The following ATP8A2 variants were observed in gnomAD, a reference collection of about 807,000 sequenced individuals.
The protein encoded by ATP8A2 is phospholipid-transporting ATPase IB.
ATP8A2 carries 100 observed loss-of-function variants against 165.6 expected under a neutral mutation model. The ratio of observed to expected loss-of-function variants is 0.60; its 90% CI spans 0.51 to 0.71. The LOEUF is 0.71. Among genes scored for constraint, ATP8A2 ranks in the 30% least tolerant of loss-of-function variants. The pLI is 0.00. For synonymous variants in ATP8A2, 543 were observed against 548.8 expected (o/e 0.99, Z 0.15); for missense variants, 1,227 against 1,479.5 (o/e 0.83, Z 2.80).
chr13:25,662,979 G>A lies in ATP8A2; in HGVS notation c.2212-36194G>A, dbSNP rs983040214. 8.4e-4 allele frequency among the ~76,000 whole-genome samples: 128 copies of A among 152,362 alleles called. 1 individual carries two copies. The highest frequency in any genetic ancestry group is 1.1e-3 in the Non-Finnish European group (74 of 68,036). Reference sequence around the variant, plus strand: ...GAACTGAAATAGCAGAAAGGGAGCAGGAGATGGATATTTGATGGCTGCCCT... The same window carrying A: ...GAACTGAAATAGCAGAAAGGGAGCAAGAGATGGATATTTGATGGCTGCCCT... On this transcript the variant is annotated intron_variant, in intron 24 of 36. Coordinates refer to ENST00000381655, the MANE Select transcript of ATP8A2 (RefSeq NM_016529.6).
intron 33 of ATP8A2, among the ~76,000 whole-genome samples, chr13:25,951,500 A>G (rs1396101305): frequency 6.6e-6 from 1 of 152,238 alleles, no homozygotes; most frequent in African/African-American, 2.4e-5. Flanking sequence ...GATTGAATGA[A>G]AAAGGCACGG....
intron 24 of ATP8A2, among the ~76,000 whole-genome samples, chr13:25,652,702 G>C (rs1005526915): frequency 5.3e-5 from 8 of 152,108 alleles, no homozygotes; most frequent in African/African-American, 1.9e-4. Flanking sequence ...TAATTTCCTT[G>C]ATTTTCTAAC....
intron 24 of ATP8A2, among the ~76,000 whole-genome samples, chr13:25,621,180 G>T (rs1193269254): frequency 6.6e-6 from 1 of 152,114 alleles, no homozygotes; most frequent in Admixed American, 6.6e-5. Flanking sequence ...GCAGAAGAAG[G>T]TACCTTGAAA....
chr13:25,382,013 T>C (rs979712092), intron 1 of ATP8A2, among the ~76,000 whole-genome samples: 1 of 152,190 alleles, frequency 6.6e-6, no homozygotes, highest in Non-Finnish European at 1.5e-5. Context: ...TATAATGGCA[T>C]GTATCCCCCA....
At chr13:25,753,455 T>C (rs952993475) in intron 25 of ATP8A2, among the ~76,000 whole-genome samples, 4 of 152,234 alleles carry the variant, frequency 2.6e-5, no homozygotes, top group Admixed American at 6.5e-5. Context: ...AGTACAGCAA[T>C]GCATAGCTGC....
At chr13:25,706,752 A>C (rs189654541) in intron 25 of ATP8A2, among the ~76,000 whole-genome samples, 51 of 152,308 alleles carry the variant, frequency 3.3e-4, no homozygotes, top group Non-Finnish European at 3.2e-4. Context: ...CCTATTCCAG[A>C]GAGCATTATT....
chr13:25,535,426 C>T (rs2038246714), intron 6 of ATP8A2, among the ~76,000 whole-genome samples: 1 of 152,106 alleles, frequency 6.6e-6, no homozygotes, highest in Admixed American at 6.5e-5. Flanking sequence ...CTCTCTGAGG[C>T]TAGAGTGGAT....
intron 23 of ATP8A2, 114 bp downstream of exon 23, chr13:25,582,071 A>T (rs1231254832): frequency 9.3e-7 from 1 of 1,078,644 alleles, no homozygotes; most frequent in Non-Finnish European, 1.3e-6. Context: ...GTTTTATAGG[A>T]ATCTTCATTC....
chr13:25,543,324 A>C lies in ATP8A2; in HGVS notation c.813A>C (p.Leu271Phe). ...CCCTTGGGCCTGACCAGATCTTATT[A>C]AGAGGTACACAGCTTAGAAATACTC... is the stretch of plus-strand genomic sequence containing the variant. ...LVALGPDQIL[L>F]RGTQLRNTQW... The change falls in exon 10 of 37, where the codon TTA (leucine) becomes TTC (phenylalanine). Residue 271 changes from leucine (L) to phenylalanine (F), a missense_variant. Transcript: ENST00000381655. 6.2e-7 allele frequency: 1 copy of C among 1,612,370 alleles called. No individual in the cohort carries two copies. The highest frequency in any genetic ancestry group is 8.5e-7 in the Non-Finnish European group (1 of 1,178,744).
rs141596345 is a variant in ATP8A2 at position 25,698,908 on chromosome 13, A to T, written c.2212-265A>T. On this transcript the variant is annotated intron_variant, in intron 24 of 36. Coordinates refer to ENST00000381655, the MANE Select transcript of ATP8A2 (RefSeq NM_016529.6). ...ATATGGAGTTTTCTATTCTAGGGGCACCAAGAATAATGTGTATGTAGTGTA... is the reference window on the plus strand; with the variant it reads ...ATATGGAGTTTTCTATTCTAGGGGCTCCAAGAATAATGTGTATGTAGTGTA... Among the ~76,000 whole-genome samples the T allele has an allele frequency of 6.4e-3, 977 of 152,292 alleles. 6 individuals carry two copies. Among genetic ancestry groups the T allele is most frequent in the Non-Finnish European group, 0.012 (798 of 68,030 alleles).
intron 33 of ATP8A2, among the ~76,000 whole-genome samples, chr13:25,929,743 G>A (rs1281700747): frequency 6.6e-6 from 1 of 152,024 alleles, no homozygotes; most frequent in Non-Finnish European, 1.5e-5. Context: ...ACAATGGCTG[G>A]AGCCCATGAG....
intron 2 of ATP8A2, 76 bp downstream of exon 2, chr13:25,469,197 C>T: frequency 1.3e-6 from 2 of 1,530,796 alleles, no homozygotes; most frequent in East Asian, 2.4e-5. Flanking sequence ...CTGCGCGGGG[C>T]TTGGCCGCGC....
chr13:25,614,826 A>T (rs921361083), intron 24 of ATP8A2, among the ~76,000 whole-genome samples: 8 of 152,194 alleles, frequency 5.3e-5, no homozygotes, highest in African/African-American at 1.9e-4. Flanking sequence ...CCACTGGGGA[A>T]TGTCTACAAA....
intron 25 of ATP8A2, among the ~76,000 whole-genome samples, chr13:25,701,723 A>AACACACACACACACACAC (rs71077495): frequency 5.7e-5 from 8 of 140,480 alleles, no homozygotes; most frequent in East Asian, 2.2e-4. Context: ...TTGATACTAA[A>AACACACACACACACACAC]ACACACACAC....
chr13:25,700,081 T>C (rs1041502263), intron 25 of ATP8A2, among the ~76,000 whole-genome samples: 4 of 152,122 alleles, frequency 2.6e-5, no homozygotes, highest in Admixed American at 2.6e-4. Flanking sequence ...TCAGGGACCA[T>C]GGGGATGAGG....
chr13:25,477,958 A>G (rs1003461165), intron 2 of ATP8A2, among the ~76,000 whole-genome samples: 1 of 152,076 alleles, frequency 6.6e-6, no homozygotes, highest in African/African-American at 2.4e-5. Context: ...AAAGTATACT[A>G]TTTTCTCAAA....
At chr13:25,912,719 A>C (rs1368245953) in intron 33 of ATP8A2, among the ~76,000 whole-genome samples, 1 of 152,214 alleles carries the variant, frequency 6.6e-6, no homozygotes, top group African/African-American at 2.4e-5. Context: ...TAAGTATGGT[A>C]TAGTATGCAC....
intron 24 of ATP8A2, among the ~76,000 whole-genome samples, chr13:25,672,380 T>G (rs748233698): frequency 1.3e-5 from 2 of 152,192 alleles, no homozygotes; most frequent in Admixed American, 1.3e-4. Context: ...TCCAAAGTGC[T>G]GGCTGCCTCT....
intron 1 of ATP8A2, among the ~76,000 whole-genome samples, chr13:25,425,703 T>G (rs1400782673): frequency 6.6e-6 from 1 of 152,244 alleles, no homozygotes; most frequent in East Asian, 1.9e-4. Flanking sequence ...GTCTCCCAAG[T>G]AGCTGGGACT....
Sources: gnomAD v4.1 joint callset for allele counts (sites outside exome capture counted in the v4.1 genomes callset) on GRCh38, gnomAD v4.1.1 for gene constraint, MANE v1.5 for transcripts, NCBI Gene and HGNC (gene_info 2026-07-23, HGNC 2026-07-21) for gene names.